PPARGC1A: variants seen among roughly 807,000 people sequenced by gnomAD.
The protein encoded by PPARGC1A is peroxisome proliferator-activated receptor gamma coactivator 1-alpha.
PPARGC1A carries 25 observed loss-of-function variants against 88.7 expected under a neutral mutation model. The ratio of observed to expected loss-of-function variants is 0.28; its 90% confidence interval spans 0.21 to 0.39. PPARGC1A has a LOEUF of 0.39. Ranked by LOEUF, PPARGC1A falls within the 10% of genes least tolerant of loss-of-function variation. PPARGC1A has a pLI of 1.00. For synonymous variants in PPARGC1A, 363 were observed against 355.6 expected (o/e 1.02, Z -0.24); for missense variants, 880 against 968.7 (o/e 0.91, Z 1.22).
chr4:24,033,058 G>A, the PPARGC1A span, among the ~76,000 whole-genome samples: 192 of 152,316 alleles, frequency 1.3e-3, no homozygotes, highest in Non-Finnish European at 2.2e-3. Flanking sequence ...TGGTTCAGAA[G>A]AGGATGTGGT....
chr4:24,404,120 G>A, the PPARGC1A span, among the ~76,000 whole-genome samples: 4,763 of 151,816 alleles, frequency 0.031, 157 homozygotes, highest in East Asian at 0.14. Flanking sequence ...AAAATTAGCC[G>A]GGCATGGTGG....
At chr4:24,162,674 C>T in the PPARGC1A span, among the ~76,000 whole-genome samples, 1 of 151,474 alleles carries the variant, frequency 6.6e-6, no homozygotes. Context: ...TCTCTGCAAC[C>T]TCTGCCTCCC....
At chr4:24,453,279 G>A in the PPARGC1A span, among the ~76,000 whole-genome samples, 8 of 152,350 alleles carry the variant, frequency 5.3e-5, no homozygotes, top group African/African-American at 1.2e-4. Flanking sequence ...TTAAGACACC[G>A]AGCCCGTGGT....
chr4:24,230,031 C>A, the PPARGC1A span, among the ~76,000 whole-genome samples: 8 of 152,112 alleles, frequency 5.3e-5, no homozygotes, highest in African/African-American at 1.9e-4. Flanking sequence ...CTATGGCTGC[C>A]CAGCTCCTCA....
At chr4:24,132,789 G>C in the PPARGC1A span, among the ~76,000 whole-genome samples, 25 of 151,328 alleles carry the variant, frequency 1.7e-4, no homozygotes, top group Non-Finnish European at 3.1e-4. Flanking sequence ...TCCTTTCAAA[G>C]GGTTCCTCTG....
At chr4:23,958,461 A>G in the PPARGC1A span, among the ~76,000 whole-genome samples, 1 of 152,164 alleles carries the variant, frequency 6.6e-6, no homozygotes, top group African/African-American at 2.4e-5. Context: ...TTCCAAGTTT[A>G]TAACTCAAAA....
the PPARGC1A span, among the ~76,000 whole-genome samples, chr4:23,919,141 A>G: frequency 6.6e-6 from 1 of 152,182 alleles, no homozygotes; most frequent in Non-Finnish European, 1.5e-5. Flanking sequence ...AAAACTCCTG[A>G]GGGCAGCAAC....
the PPARGC1A span, among the ~76,000 whole-genome samples, chr4:23,998,281 A>C: frequency 2.6e-5 from 4 of 152,268 alleles, no homozygotes; most frequent in Non-Finnish European, 5.9e-5. Flanking sequence ...AATCACACAC[A>C]TATAAAATAC....
At chr4:24,042,054 C>G in the PPARGC1A span, among the ~76,000 whole-genome samples, 293 of 152,216 alleles carry the variant, frequency 1.9e-3, 1 homozygote, top group African/African-American at 7.0e-3. Context: ...GTGTTTTCCA[C>G]CAGTCATGGT....
At chr4:23,990,666 AGG>A in the PPARGC1A span, among the ~76,000 whole-genome samples, 6 of 100,276 alleles carry the variant, frequency 6.0e-5, no homozygotes, top group Admixed American at 3.4e-4. Context: ...CTCATCACTC[AGG>A]GGTGTATGCA....
the PPARGC1A span, among the ~76,000 whole-genome samples, chr4:24,118,695 C>G: frequency 2.0e-5 from 3 of 152,030 alleles, no homozygotes; most frequent in African/African-American, 7.3e-5. Flanking sequence ...GCTCTTTACC[C>G]TTACACAAGC....
chr4:24,260,598 A>G, the PPARGC1A span, among the ~76,000 whole-genome samples: 4 of 152,294 alleles, frequency 2.6e-5, no homozygotes, highest in Admixed American at 6.5e-5. Flanking sequence ...AGTCCCTGAC[A>G]TAAGTTATGG....
At chr4:23,943,086 A>G in the PPARGC1A span, among the ~76,000 whole-genome samples, 1 of 152,154 alleles carries the variant, frequency 6.6e-6, no homozygotes, top group Non-Finnish European at 1.5e-5. Flanking sequence ...GGGACTATTT[A>G]CGTACTCAGT....
At chr4:23,826,352 A>G (rs1281722464) in intron 5 of PPARGC1A, among the ~76,000 whole-genome samples, 2 of 152,162 alleles carry the variant, frequency 1.3e-5, no homozygotes, top group African/African-American at 4.8e-5. Context: ...GACTAGTAGG[A>G]TCCTTAAAGT....
chr4:24,322,636 G>C, the PPARGC1A span, among the ~76,000 whole-genome samples: 1 of 152,224 alleles, frequency 6.6e-6, no homozygotes, highest in South Asian at 2.1e-4. Context: ...TGCAAGAGCT[G>C]ATTGTTAAAT....
chr4:23,858,771 T>G (rs748582274), intron 2 of PPARGC1A, among the ~76,000 whole-genome samples: 1 of 152,166 alleles, frequency 6.6e-6, no homozygotes, highest in Non-Finnish European at 1.5e-5. Context: ...CTGGCAAACC[T>G]CTTAACTCGG....
chr4:24,070,685 G>A, the PPARGC1A span, among the ~76,000 whole-genome samples: 18 of 152,094 alleles, frequency 1.2e-4, no homozygotes, highest in African/African-American at 4.1e-4. Context: ...AGCAAACTAC[G>A]GTCCATGGAC....
chr4:24,378,857 T>C, the PPARGC1A span, among the ~76,000 whole-genome samples: 1 of 152,186 alleles, frequency 6.6e-6, no homozygotes, highest in Non-Finnish European at 1.5e-5. Context: ...ATGACTAATC[T>C]ATAGCAAAGA....
the PPARGC1A span, among the ~76,000 whole-genome samples, chr4:24,107,884 G>A: frequency 1.6e-3 from 241 of 152,334 alleles, 1 homozygote; most frequent in Admixed American, 2.6e-3. Flanking sequence ...AATTGTAGAT[G>A]CTGCATAGAG....
Sources: allele counts gnomAD v4.1 joint callset (sites outside exome capture counted in the v4.1 genomes callset), GRCh38; gene constraint gnomAD v4.1.1; transcripts MANE v1.5; gene names NCBI Gene and HGNC (gene_info 2026-07-23, HGNC 2026-07-21).